The following CDH11 variants were observed in gnomAD, a reference collection of about 807,000 sequenced individuals.
The protein encoded by CDH11 is cadherin-11.
Under a neutral mutation model 67.8 loss-of-function variants are expected in CDH11, and 11 were observed. The ratio of observed to expected loss-of-function variants is 0.16; its 90% CI spans 0.10 to 0.27. The LOEUF is 0.27. Among genes scored for constraint, CDH11 ranks in the 10% least tolerant of loss-of-function variants. The pLI, the probability that CDH11 is intolerant of heterozygous loss-of-function variation, is 1.00. For synonymous variants in CDH11, 419 were observed against 400.0 expected, an observed-to-expected ratio of 1.05 and a Z score of -0.57; for missense variants, 847 against 1,031.2, an observed-to-expected ratio of 0.82 and a Z score of 2.45.
rs1390817204 is a variant in CDH11, at chr16:64,946,864, TAA to T, written c.*737_*738del. The T allele has an allele frequency of 1.2e-6, 1 of 836,072 alleles. No individual in the cohort carries two copies. The highest frequency in any genetic ancestry group is 1.5e-6 in the Non-Finnish European group (1 of 682,822). The allele number at this position is 836,072 out of a possible 1,614,324, so 51.8% of individuals were successfully genotyped here. On this transcript the variant is annotated 3_prime_UTR_variant, in exon 13 of 13. Transcript: ENST00000268603. Reference sequence around the variant, plus strand: ...GCAACAGTACAATGTTCATAAAATATAAGTGTGATGCCGTAACATTTTCTTAC... The same window carrying T: ...GCAACAGTACAATGTTCATAAAATATGTGTGATGCCGTAACATTTTCTTAC...
intron 2 of CDH11, among the ~76,000 whole-genome samples, chr16:65,049,563 A>G (rs2074020711): frequency 2.0e-5 from 3 of 152,202 alleles, no homozygotes; most frequent in South Asian, 2.1e-4. Flanking sequence ...CTCAGAAAAT[A>G]TCAATGTCAT....
intron 12 of CDH11, 72 bp from the exon 13 acceptor site, chr16:64,948,171 CTGAT>C: frequency 6.5e-7 from 1 of 1,543,616 alleles, no homozygotes; most frequent in Non-Finnish European, 8.7e-7. Context: ...CAGAGGAACT[CTGAT>C]TACCATAAAC....
intron 7 of CDH11, chr16:64,987,430 T>C (rs1194426321): frequency 6.6e-6 from 1 of 152,204 alleles, no homozygotes; most frequent in African/African-American, 2.4e-5. Flanking sequence ...GAGGTCTCTT[T>C]GCCCATTGGG....
chr16:65,094,902 G>GA (rs146691842), intron 1 of CDH11: 10,346 of 150,638 alleles, frequency 0.069, 543 homozygotes, highest in African/African-American at 0.15. Context: ...AGAACTGTGA[G>GA]AAAAAAAAAC....
chr16:65,031,752 A>G (rs548581691), intron 2 of CDH11, among the ~76,000 whole-genome samples: 136 of 152,318 alleles, frequency 8.9e-4, no homozygotes, highest in African/African-American at 3.2e-3. Flanking sequence ...AATTATAATA[A>G]GTTTTATTCT....
chr16:65,119,385 A>T (rs111268112), intron 1 of CDH11, among the ~76,000 whole-genome samples: 5 of 152,314 alleles, frequency 3.3e-5, no homozygotes, highest in South Asian at 2.1e-4. Context: ...TATTTTTTTT[A>T]AATTTTCAAA....
intron 2 of CDH11, among the ~76,000 whole-genome samples, chr16:65,007,523 G>C (rs1311028273): frequency 6.6e-6 from 1 of 152,118 alleles, no homozygotes; most frequent in African/African-American, 2.4e-5. Context: ...GCACAAAGAA[G>C]GCCCCAGAGG....
chr16:64,966,863 T>C (rs2071844814), intron 11 of CDH11, among the ~76,000 whole-genome samples: 1 of 152,146 alleles, frequency 6.6e-6, no homozygotes, highest in South Asian at 2.1e-4. Context: ...CAAAGGTGAA[T>C]AGCATTAATA....
chr16:65,045,702 T>C (rs148197717), intron 2 of CDH11, among the ~76,000 whole-genome samples: 116 of 152,002 alleles, frequency 7.6e-4, no homozygotes, highest in Non-Finnish European at 1.4e-3. Context: ...GGACAGAGAG[T>C]ACAGGCGGAG....
chr16:65,123,398 G>C (rs572315293), upstream of CDH11, among the ~76,000 whole-genome samples: 1 of 152,070 alleles, frequency 6.6e-6, no homozygotes, highest in East Asian at 2.0e-4. Context: ...GGGAAAGCTG[G>C]GCGCCACAGC....
intron 11 of CDH11, among the ~76,000 whole-genome samples, chr16:64,962,120 G>A (rs1227274907): frequency 6.6e-6 from 1 of 152,076 alleles, no homozygotes; most frequent in Non-Finnish European, 1.5e-5. Context: ...TAATTTTTAT[G>A]TAGTTATTGC....
chr16:65,092,012 C>T (rs1177173425), intron 1 of CDH11, among the ~76,000 whole-genome samples: 1 of 152,152 alleles, frequency 6.6e-6, no homozygotes, highest in Non-Finnish European at 1.5e-5. Flanking sequence ...CATTTCACCT[C>T]TCATTTTATT....
chr16:64,999,234 TC>T (rs2072852492), intron 3 of CDH11, among the ~76,000 whole-genome samples: 1 of 152,212 alleles, frequency 6.6e-6, no homozygotes, highest in African/African-American at 2.4e-5. Context: ...AAGTAAGTCT[TC>T]CTCTCAGCTC....
At chr16:65,037,344 T>G (rs961149853) in intron 2 of CDH11, among the ~76,000 whole-genome samples, 1 of 152,130 alleles carries the variant, frequency 6.6e-6, no homozygotes, top group Non-Finnish European at 1.5e-5. Context: ...CTCCAGCACA[T>G]GTTGTAAAAT....
intron 3 of CDH11, among the ~76,000 whole-genome samples, chr16:65,000,157 G>A (rs1391318024): frequency 6.6e-6 from 1 of 152,164 alleles, no homozygotes; most frequent in Non-Finnish European, 1.5e-5. Context: ...ATTCACACTT[G>A]TCAGGTCCAA....
At chr16:64,952,604 A>C (rs915698863) in intron 11 of CDH11, among the ~76,000 whole-genome samples, 5 of 152,186 alleles carry the variant, frequency 3.3e-5, no homozygotes, top group African/African-American at 1.2e-4. Flanking sequence ...TTGGTATTAT[A>C]AAACAGTAGA....
chr16:64,988,465 A>G, intron 6 of CDH11, 121 bp from the exon 7 acceptor site: 3 of 888,356 alleles, frequency 3.4e-6, no homozygotes, highest in Non-Finnish European at 1.7e-6. Flanking sequence ...TATTGACTGA[A>G]AACATGAAAG....
intron 11 of CDH11, among the ~76,000 whole-genome samples, chr16:64,957,961 C>T (rs1056031595): frequency 1.3e-5 from 2 of 152,152 alleles, no homozygotes; most frequent in Admixed American, 1.3e-4. Flanking sequence ...GATGTTACTA[C>T]TGATCAATGA....
rs1354688059 is a variant in CDH11 at position 64,978,650 on chromosome 16, A to G, written c.1253+3398T>C. 2.6e-5 allele frequency among the ~76,000 whole-genome samples: 4 copies of G among 152,328 alleles called. No individual in the cohort carries two copies. The East Asian group carries it at 7.7e-4, about 29-fold the overall frequency. On this transcript the variant is annotated intron_variant, in intron 8 of 12. Transcript: ENST00000268603. ...TGGTTTCTATGACTATGAATGGTCA[A>G]TTTTCAACCTGAATGCCAAGATCAT... is the stretch of plus-strand genomic sequence containing the variant.
Sources: allele counts gnomAD v4.1 joint callset (sites outside exome capture counted in the v4.1 genomes callset), GRCh38; gene constraint gnomAD v4.1.1; transcripts MANE v1.5; gene names NCBI Gene and HGNC (gene_info 2026-07-23, HGNC 2026-07-21).